KHDRBS2: variants seen among roughly 807,000 people sequenced by gnomAD.
KHDRBS2 encodes KH domain-containing, RNA-binding, signal transduction-associated protein 2.
Under a neutral mutation model 44.3 loss-of-function variants are expected in KHDRBS2, and 26 were observed. The ratio of observed to expected loss-of-function variants is 0.59; its 90% CI spans 0.43 to 0.81. KHDRBS2 has a LOEUF of 0.81. Among genes scored for constraint, KHDRBS2 ranks in the 40% least tolerant of loss-of-function variants. The pLI, the probability that KHDRBS2 is intolerant of heterozygous loss-of-function variation, is 0.00. For missense variants in KHDRBS2, 476 were observed against 433.1 expected (o/e 1.10, Z -0.88); for synonymous variants, 194 against 151.1 (o/e 1.28, Z -2.08).
Position 62,067,063 on chromosome 6 carries a change from C to G in KHDRBS2, c.220-19069G>C, listed in dbSNP as rs75225989. Among the ~76,000 whole-genome samples, 1,323 of 151,444 alleles carry G rather than the reference C, an allele frequency of 8.7e-3. 12 individuals are homozygous for G. Among genetic ancestry groups the G allele is most frequent in the Non-Finnish European group, 0.014 (934 of 67,576 alleles). The stretch of plus-strand genomic sequence containing the variant: ...TAATATTTTAAGGAACAACAGCAAA[C>G]TGTTTAGTATCTCATTTAAATATTG... On this transcript the variant is annotated intron_variant, in intron 2 of 8. Coordinates refer to ENST00000281156, the MANE Select transcript of KHDRBS2 (RefSeq NM_152688.4).
At chr6:62,032,286 T>C (rs2127293188) in intron 3 of KHDRBS2, among the ~76,000 whole-genome samples, 1 of 152,114 alleles carries the variant, frequency 6.6e-6, no homozygotes, top group South Asian at 2.1e-4. Flanking sequence ...GTAGGCACAA[T>C]CTAATCAGCT....
chr6:61,947,474 T>C (rs1813604216), intron 4 of KHDRBS2, among the ~76,000 whole-genome samples: 1 of 152,102 alleles, frequency 6.6e-6, no homozygotes, highest in African/African-American at 2.4e-5. Flanking sequence ...GAAGTAGAGA[T>C]ATTGTTAATG....
At chr6:61,777,892 T>A (rs1477631635) in intron 6 of KHDRBS2, among the ~76,000 whole-genome samples, 2 of 152,110 alleles carry the variant, frequency 1.3e-5, no homozygotes, top group Admixed American at 1.3e-4. Flanking sequence ...ATGTGAAGGT[T>A]TGTTGTAAAG....
intron 6 of KHDRBS2, among the ~76,000 whole-genome samples, chr6:61,757,612 G>A (rs1246706812): frequency 6.6e-6 from 1 of 151,948 alleles, no homozygotes; most frequent in Non-Finnish European, 1.5e-5. Flanking sequence ...CTATCATCTC[G>A]CTATTTGTTC....
intron 3 of KHDRBS2, among the ~76,000 whole-genome samples, chr6:62,023,301 A>T (rs1052266962): frequency 1.3e-5 from 2 of 151,710 alleles, no homozygotes; most frequent in African/African-American, 4.8e-5. Context: ...TATCTTTGTG[A>T]TTCATTACAA....
the KHDRBS2 span, among the ~76,000 whole-genome samples, chr6:61,569,818 G>C: frequency 6.6e-6 from 1 of 152,072 alleles, no homozygotes; most frequent in African/African-American, 2.4e-5. Flanking sequence ...AGATTCAAAA[G>C]AACAATAACA....
chr6:61,976,433 T>G (rs541495718), intron 4 of KHDRBS2, among the ~76,000 whole-genome samples: 91 of 152,190 alleles, frequency 6.0e-4, no homozygotes, highest in Non-Finnish European at 1.1e-3. Context: ...TAGAGGAGTG[T>G]TAACTTAGCC....
At chr6:62,096,123 AT>A (rs1562846452) in intron 2 of KHDRBS2, among the ~76,000 whole-genome samples, 1 of 151,828 alleles carries the variant, frequency 6.6e-6, no homozygotes, top group South Asian at 2.1e-4. Context: ...GTTTGCTAGT[AT>A]TTTGGTGGGG....
chr6:61,632,356 C>T, the KHDRBS2 span, among the ~76,000 whole-genome samples: 1 of 151,974 alleles, frequency 6.6e-6, no homozygotes, highest in African/African-American at 2.4e-5. Flanking sequence ...GAAGAAAACA[C>T]TTAAGGAGAC....
At chr6:61,990,319 C>G (rs916831147) in intron 3 of KHDRBS2, among the ~76,000 whole-genome samples, 1 of 151,858 alleles carries the variant, frequency 6.6e-6, no homozygotes, top group Non-Finnish European at 1.5e-5. Flanking sequence ...GAAGGTAGAC[C>G]CAGGAAAGTT....
chr6:61,719,595 T>C (rs1362350858), intron 7 of KHDRBS2, among the ~76,000 whole-genome samples: 5 of 152,100 alleles, frequency 3.3e-5, no homozygotes, highest in Admixed American at 2.6e-4. Context: ...ACTGTAATAC[T>C]AGCCCTGCAA....
intron 3 of KHDRBS2, among the ~76,000 whole-genome samples, chr6:62,010,552 C>T (rs1273257851): frequency 1.3e-5 from 2 of 152,128 alleles, no homozygotes; most frequent in Non-Finnish European, 2.9e-5. Flanking sequence ...CCACCCAAAT[C>T]TCATCTTACA....
chr6:61,962,949 A>G (rs1282465545), intron 4 of KHDRBS2, among the ~76,000 whole-genome samples: 1 of 152,042 alleles, frequency 6.6e-6, no homozygotes, highest in East Asian at 1.9e-4. Flanking sequence ...GTTGGTGAGC[A>G]TGTATGATTA....
chr6:61,850,933 T>C (rs967674058), intron 6 of KHDRBS2, among the ~76,000 whole-genome samples: 81 of 152,134 alleles, frequency 5.3e-4, no homozygotes, highest in African/African-American at 1.8e-3. Flanking sequence ...CTTGTTCTAG[T>C]TGGGAGAAAG....
At chr6:62,088,867 A>G (rs1798936614) in intron 2 of KHDRBS2, among the ~76,000 whole-genome samples, 1 of 152,064 alleles carries the variant, frequency 6.6e-6, no homozygotes, top group Non-Finnish European at 1.5e-5. Flanking sequence ...TGGGAGTTTT[A>G]TCTATAAGCC....
At chr6:62,239,585 GAATGAATA>G (rs1834255446) in intron 1 of KHDRBS2, among the ~76,000 whole-genome samples, 1 of 7,676 alleles carries the variant, frequency 1.3e-4, no homozygotes, top group Middle Eastern at 0.1. Context: ...TTAAATAAAT[GAATGAATA>G]AATAAATAAA....
At chr6:61,852,261 A>C (rs1795539934) in intron 6 of KHDRBS2, among the ~76,000 whole-genome samples, 1 of 150,130 alleles carries the variant, frequency 6.7e-6, no homozygotes, top group South Asian at 2.1e-4. Flanking sequence ...AGTAAACCAG[A>C]AAAACATTGA....
chr6:61,999,370 C>T (rs966463070), intron 3 of KHDRBS2, among the ~76,000 whole-genome samples: 4 of 151,980 alleles, frequency 2.6e-5, no homozygotes, highest in South Asian at 2.1e-4. Context: ...ATGTTATGTA[C>T]GTATGGAGAA....
At chr6:62,132,127 A>T (rs1455767178) in intron 2 of KHDRBS2, among the ~76,000 whole-genome samples, 1 of 152,238 alleles carries the variant, frequency 6.6e-6, no homozygotes, top group Non-Finnish European at 1.5e-5. Flanking sequence ...TAACCTTGTA[A>T]GGAAGGTAAA....
Sources: allele counts gnomAD v4.1 joint callset (sites outside exome capture counted in the v4.1 genomes callset), GRCh38; gene constraint gnomAD v4.1.1; transcripts MANE v1.5; gene names NCBI Gene and HGNC (gene_info 2026-07-23, HGNC 2026-07-21).